HS6ST3: variants seen among roughly 807,000 people sequenced by gnomAD.
The protein encoded by HS6ST3 is heparan-sulfate 6-O-sulfotransferase 3.
In HS6ST3, 12 loss-of-function variants were observed where a neutral mutation model predicts 36.7. That is an observed-to-expected ratio of 0.33 (90% CI 0.21 to 0.53). The LOEUF (loss-of-function observed/expected upper bound fraction) is 0.53. Among genes scored for constraint, HS6ST3 ranks in the 20% least tolerant of loss-of-function variants. HS6ST3 has a pLI of 0.95. For synonymous variants in HS6ST3, 240 were observed against 257.5 expected, an observed-to-expected ratio of 0.93 and a Z score of 0.65; for missense variants, 584 against 640.9, an observed-to-expected ratio of 0.91 and a Z score of 0.96.
chr13:96,822,895 A>G (rs1275767569), intron 1 of HS6ST3, among the ~76,000 whole-genome samples: 4 of 152,346 alleles, frequency 2.6e-5, no homozygotes, highest in African/African-American at 9.6e-5. Flanking sequence ...ATTTGATTCC[A>G]CAAATGTTTA....
chr13:96,490,362 TG>T (rs1312139081), intron 1 of HS6ST3, among the ~76,000 whole-genome samples: 1 of 152,054 alleles, frequency 6.6e-6, no homozygotes, highest in Non-Finnish European at 1.5e-5. Context: ...CTAAATGAAC[TG>T]GTCATGGGGA....
In HS6ST3 at chr13:96,280,138, A is replaced by G. The variant is rs185659845; in HGVS notation, c.707+188569A>G. Among the ~76,000 whole-genome samples the G allele has an allele frequency of 1.8e-3, 270 of 152,270 alleles. 1 individual carries two copies. Among genetic ancestry groups the G allele is most frequent in the Admixed American group, 6.9e-3 (105 of 15,284 alleles). ...TCAACATAAAGCTTGCTTTGTGTAC[A>G]GTATTAGCTCCTGGATGGTTCTGCA... On this transcript the variant is annotated intron_variant, in intron 1 of 1. Transcript: ENST00000376705.
At chr13:96,656,833 G>A (rs774868297) in intron 1 of HS6ST3, among the ~76,000 whole-genome samples, 12 of 152,016 alleles carry the variant, frequency 7.9e-5, no homozygotes, top group Admixed American at 4.6e-4. Context: ...CTGGATTGAC[G>A]GAATTATATA....
intron 1 of HS6ST3, among the ~76,000 whole-genome samples, chr13:96,803,939 G>A (rs1878140510): frequency 6.6e-6 from 1 of 152,114 alleles, no homozygotes; most frequent in Non-Finnish European, 1.5e-5. Flanking sequence ...GACAGACTGT[G>A]GAAGTAAGGT....
At chr13:96,818,128 G>T (rs1878460655) in intron 1 of HS6ST3, among the ~76,000 whole-genome samples, 1 of 152,188 alleles carries the variant, frequency 6.6e-6, no homozygotes, top group African/African-American at 2.4e-5. Context: ...GCAACTTAAG[G>T]TCAGTGCTCC....
At chr13:96,368,313 A>C (rs922166464) in intron 1 of HS6ST3, among the ~76,000 whole-genome samples, 1 of 152,190 alleles carries the variant, frequency 6.6e-6, no homozygotes, top group Non-Finnish European at 1.5e-5. Context: ...AATTTCAGGA[A>C]CTTGGTAGTA....
At chr13:96,409,234 A>C (rs562793018) in intron 1 of HS6ST3, among the ~76,000 whole-genome samples, 1 of 152,336 alleles carries the variant, frequency 6.6e-6, no homozygotes, top group African/African-American at 2.4e-5. Flanking sequence ...TTTGTATAAG[A>C]ATCCTGGACA....
At position 96,502,883 on chromosome 13, in the gene HS6ST3, T is replaced by C. The variant is rs567014078; in HGVS notation, c.708-329607T>C. ...ATCCTTAGTGTGGAAGAACAAACCATGATTTGACCAAGAAAAACCTAATAG... is the reference window on the plus strand; with the variant it reads ...ATCCTTAGTGTGGAAGAACAAACCACGATTTGACCAAGAAAAACCTAATAG... On this transcript the variant is annotated intron_variant, in intron 1 of 1. Transcript: ENST00000376705. Among the ~76,000 whole-genome samples the C allele has an allele frequency of 5.9e-5, 9 of 152,282 alleles. No homozygotes were observed. The East Asian group carries it at 1.5e-3, about 26-fold the overall frequency.
At chr13:96,739,218 CTTGT>C (rs1423086279) in intron 1 of HS6ST3, among the ~76,000 whole-genome samples, 2 of 115,208 alleles carry the variant, frequency 1.7e-5, no homozygotes, top group African/African-American at 6.5e-5. Flanking sequence ...TCGACATTTG[CTTGT>C]GTGTGTGTGT....
intron 1 of HS6ST3, among the ~76,000 whole-genome samples, chr13:96,453,333 C>A (rs895100595): frequency 2.0e-5 from 3 of 152,134 alleles, no homozygotes; most frequent in Non-Finnish European, 4.4e-5. Context: ...TCCCTCACCC[C>A]TCTCCAACTC....
chr13:96,282,699 A>C (rs967702126), intron 1 of HS6ST3, among the ~76,000 whole-genome samples: 1 of 152,168 alleles, frequency 6.6e-6, no homozygotes, highest in Non-Finnish European at 1.5e-5. Flanking sequence ...ATAATATGTA[A>C]GTTCTTAGGT....
intron 1 of HS6ST3, among the ~76,000 whole-genome samples, chr13:96,339,874 CA>C (rs1320040439): frequency 1.3e-5 from 2 of 152,150 alleles, no homozygotes; most frequent in Non-Finnish European, 2.9e-5. Flanking sequence ...GTGTTAACCA[CA>C]AGACTTTAGA....
intron 1 of HS6ST3, among the ~76,000 whole-genome samples, chr13:96,551,052 T>G (rs2056217592): frequency 6.6e-6 from 1 of 152,206 alleles, no homozygotes; most frequent in Admixed American, 6.5e-5. Flanking sequence ...GTAAACAACC[T>G]AAATTAACTA....
intron 1 of HS6ST3, among the ~76,000 whole-genome samples, chr13:96,763,781 A>G (rs1327748889): frequency 2.6e-5 from 4 of 152,168 alleles, no homozygotes; most frequent in Non-Finnish European, 2.9e-5. Flanking sequence ...AAGATTGCTG[A>G]ATATATAATA....
chr13:96,161,516 C>A (rs1051612734), intron 1 of HS6ST3, among the ~76,000 whole-genome samples: 3 of 152,146 alleles, frequency 2.0e-5, no homozygotes, highest in African/African-American at 7.2e-5. Context: ...AGATTCCTAA[C>A]ATGGAGTTCT....
At chr13:96,808,136 A>T (rs530013932) in intron 1 of HS6ST3, among the ~76,000 whole-genome samples, 1 of 152,226 alleles carries the variant, frequency 6.6e-6, no homozygotes, top group East Asian at 1.9e-4. Flanking sequence ...CCACTGCCAT[A>T]CAGAGGAGCC....
At chr13:96,820,879 C>T (rs1272944990) in intron 1 of HS6ST3, among the ~76,000 whole-genome samples, 1 of 152,196 alleles carries the variant, frequency 6.6e-6, no homozygotes, top group East Asian at 1.9e-4. Context: ...TTTTCTGAGT[C>T]TTCATAGCAT....
chr13:96,591,472 A>G (rs2056381930), intron 1 of HS6ST3, among the ~76,000 whole-genome samples: 1 of 152,030 alleles, frequency 6.6e-6, no homozygotes, highest in Admixed American at 6.6e-5. Flanking sequence ...AAATGGGATT[A>G]CTTTTTAATT....
At chr13:96,506,057 A>G (rs542179458) in intron 1 of HS6ST3, among the ~76,000 whole-genome samples, 2 of 152,128 alleles carry the variant, frequency 1.3e-5, no homozygotes, top group Non-Finnish European at 2.9e-5. Flanking sequence ...TTTCTTATTC[A>G]TTTTAGGTCT....
Sources: allele counts gnomAD v4.1 joint callset (sites outside exome capture counted in the v4.1 genomes callset), GRCh38; gene constraint gnomAD v4.1.1; transcripts MANE v1.5; gene names NCBI Gene and HGNC (gene_info 2026-07-23, HGNC 2026-07-21).